The following ADGB variants were observed in gnomAD, a reference collection of about 807,000 sequenced individuals.
ADGB encodes calpain-7-like protein.
Under a neutral mutation model 210.5 loss-of-function variants are expected in ADGB, and 172 were observed. The observed-to-expected ratio is 0.82, with a 90% CI of 0.72 to 0.93. The LOEUF (loss-of-function observed/expected upper bound fraction) is 0.93, where lower values mean the gene tolerates loss of function less well. Ranked by LOEUF, ADGB falls within the 40% of genes least tolerant of loss-of-function variation. ADGB has a pLI of 0.00. For synonymous variants in ADGB, 658 were observed against 662.7 expected (o/e 0.99, Z 0.11); for missense variants, 2,025 against 1,964.8 (o/e 1.03, Z -0.58).
chr6:146,627,836 T>C (rs368962608), intron 1 of ADGB, among the ~76,000 whole-genome samples: 3 of 152,172 alleles, frequency 2.0e-5, no homozygotes, highest in Non-Finnish European at 4.4e-5. Context: ...AGAAATATGC[T>C]GGGATTTGCC....
At chr6:146,811,892 T>C (rs2114677211) in intron 35 of ADGB, among the ~76,000 whole-genome samples, 1 of 152,286 alleles carries the variant, frequency 6.6e-6, no homozygotes, top group East Asian at 1.9e-4. Flanking sequence ...GTCAGGCTGA[T>C]CTCGAACTCC....
At position 146,788,437 on chromosome 6, in the gene ADGB, C is replaced by T. The variant is rs1016243111; in HGVS notation, c.4364C>T (p.Ala1455Val). The T allele has an allele frequency of 2.6e-6, 4 of 1,551,494 alleles. No individual in the cohort carries two copies. The highest frequency in any genetic ancestry group is 2.4e-5 in the East Asian group (1 of 40,892). Residue 1455 changes from alanine (A) to valine (V), a missense_variant, in exon 33 of 36, where the codon GCA (alanine) becomes GTA (valine). Ala to Val is a moderately conservative substitution (Grantham distance 64). Transcript: ENST00000397944. Reference sequence around the variant, plus strand: ...AAAGAACCAAACTCAAAGAATTCTGCAGGTTCAGAGAGCAAAGAGATGACA... The same window carrying T: ...AAAGAACCAAACTCAAAGAATTCTGTAGGTTCAGAGAGCAAAGAGATGACA... ...GVKEPNSKNS[A>V]GSESKEMTQT...
At chr6:146,634,131 A>G (rs1775358359) in intron 1 of ADGB, among the ~76,000 whole-genome samples, 1 of 152,102 alleles carries the variant, frequency 6.6e-6, no homozygotes, top group African/African-American at 2.4e-5. Flanking sequence ...CCATTGTGTT[A>G]CAGTTGCCTG....
rs1562288991 is a variant in ADGB at position 146,740,451 on chromosome 6, AT to A, written c.2889-5del. 6.6e-7 allele frequency: 1 copy of A among 1,514,232 alleles called. No homozygotes were observed. Among genetic ancestry groups the A allele is most frequent in the Admixed American group, 2.4e-5 (1 of 42,528 alleles). 93.8% of individuals were successfully genotyped at this position (1,514,232 alleles called of 1,614,324 possible). On this transcript the variant is annotated splice_polypyrimidine_tract_variant and splice_region_variant and intron_variant, in intron 23 of 35. Coordinates refer to ENST00000397944, the MANE Select transcript of ADGB (RefSeq NM_024694.4). ...CCATTGATACATAATTTATTTTTATATTTCTAGACTAATGTTTAAAAGCAAG... is the reference window on the plus strand; with the variant it reads ...CCATTGATACATAATTTATTTTTATATTCTAGACTAATGTTTAAAAGCAAG...
chr6:146,747,780 T>C (rs564891582), intron 26 of ADGB, among the ~76,000 whole-genome samples: 1 of 113,438 alleles, frequency 8.8e-6, no homozygotes, highest in South Asian at 2.8e-4. Flanking sequence ...TATATATATA[T>C]GTATTTTTTT....
rs958405765 is a variant in ADGB, at chr6:146,599,027, G to T, written c.-14G>T. ...TTTGCTCAGAGCTCAGCCCTACATAGATCGGCTTCTGCCATGGCCTCCAAA... is the reference window on the plus strand; with the variant it reads ...TTTGCTCAGAGCTCAGCCCTACATATATCGGCTTCTGCCATGGCCTCCAAA... On this transcript the variant is annotated 5_prime_UTR_variant, in exon 1 of 36. Transcript: ENST00000397944. 3.6e-5 allele frequency: 56 copies of T among 1,550,710 alleles called. 1 individual carries two copies. Among genetic ancestry groups the T allele is most frequent in the Non-Finnish European group, 8.7e-7 (1 of 1,146,174 alleles).
chr6:146,762,396 C>G (rs1401719507), intron 27 of ADGB, among the ~76,000 whole-genome samples: 1 of 152,100 alleles, frequency 6.6e-6, no homozygotes, highest in African/African-American at 2.4e-5. Context: ...TTCTGTGATA[C>G]TCACCATTTG....
chr6:146,795,038 A>AC (rs1778019631), intron 33 of ADGB, among the ~76,000 whole-genome samples: 1 of 152,176 alleles, frequency 6.6e-6, no homozygotes, highest in Non-Finnish European at 1.5e-5. Context: ...CCCATTGGTG[A>AC]CCCCAAGGAA....
chr6:146,650,552 C>A (rs1775685872), intron 3 of ADGB, among the ~76,000 whole-genome samples: 3 of 80,336 alleles, frequency 3.7e-5, no homozygotes, highest in South Asian at 4.4e-4. Flanking sequence ...TTTTCCTGCA[C>A]AAAGCTTGAC....
chr6:146,774,772 C>A (rs1203155319), intron 29 of ADGB, among the ~76,000 whole-genome samples: 1 of 152,118 alleles, frequency 6.6e-6, no homozygotes, highest in East Asian at 1.9e-4. Context: ...TTACTCCATA[C>A]ATAGAAAAAT....
chr6:146,694,074 A>G (rs1346598497), intron 12 of ADGB, among the ~76,000 whole-genome samples: 3 of 152,036 alleles, frequency 2.0e-5, no homozygotes, highest in Non-Finnish European at 2.9e-5. Flanking sequence ...CGTTCATGGC[A>G]ATGTAGGCTT....
At chr6:146,679,245 T>C (rs1450696932) in intron 9 of ADGB, among the ~76,000 whole-genome samples, 1 of 152,138 alleles carries the variant, frequency 6.6e-6, no homozygotes, top group Non-Finnish European at 1.5e-5. Flanking sequence ...ACATTCCACT[T>C]TCCTGATCAC....
intron 4 of ADGB, among the ~76,000 whole-genome samples, chr6:146,655,053 C>A (rs752723174): frequency 1.2e-4 from 18 of 152,048 alleles, no homozygotes; most frequent in Non-Finnish European, 2.5e-4. Context: ...TGAAATCATG[C>A]AGTTATTTGT....
chr6:146,653,831 T>G (rs113400025), intron 3 of ADGB, among the ~76,000 whole-genome samples: 1 of 152,176 alleles, frequency 6.6e-6, no homozygotes, highest in Non-Finnish European at 1.5e-5. Flanking sequence ...AATTACATTT[T>G]TATCACCTAT....
In ADGB at chr6:146,785,153, G is replaced by A. The variant is rs1232053899; in HGVS notation, c.4212+359G>A. Among the ~76,000 whole-genome samples, 5 of 152,074 alleles carry A rather than the reference G, an allele frequency of 3.3e-5. No individual in the cohort carries two copies. The South Asian group carries it at 8.3e-4, about 25-fold the overall frequency. On this transcript the variant is annotated intron_variant, in intron 31 of 35. Coordinates refer to ENST00000397944, the MANE Select transcript of ADGB (RefSeq NM_024694.4). ...TATGTGCTTTACTACACTTTGCGCA[G>A]CCTTAGATGGATTAAAAACCATGTG...
intron 7 of ADGB, among the ~76,000 whole-genome samples, chr6:146,671,936 C>A (rs560083877): frequency 6.6e-6 from 1 of 152,124 alleles, no homozygotes; most frequent in East Asian, 1.9e-4. Context: ...CTTTCCCTGT[C>A]CTGGCTGTTA....
intron 27 of ADGB, among the ~76,000 whole-genome samples, chr6:146,760,004 T>C (rs1777462467): frequency 6.6e-6 from 1 of 151,832 alleles, no homozygotes; most frequent in Admixed American, 6.6e-5. Flanking sequence ...ATTAGGGAAA[T>C]TTGCCCTTTT....
At chr6:146,654,251 C>A in intron 4 of ADGB, 45 bp downstream of exon 4, 1 of 1,372,452 alleles carries the variant, frequency 7.3e-7, no homozygotes, top group Non-Finnish European at 1.0e-6. Context: ...GAAATGACTT[C>A]CAGTCCTGCT....
At chr6:146,746,175 A>G in intron 26 of ADGB, 66 bp downstream of exon 26, 1 of 1,177,552 alleles carries the variant, frequency 8.5e-7, no homozygotes, top group South Asian at 1.7e-5. Context: ...GGATAAAAAT[A>G]AATTCTGCAG....
Sources: allele counts gnomAD v4.1 joint callset (sites outside exome capture counted in the v4.1 genomes callset), GRCh38; gene constraint gnomAD v4.1.1; transcripts MANE v1.5; gene names NCBI Gene and HGNC (gene_info 2026-07-23, HGNC 2026-07-21).